ITPRID2: variants seen among roughly 807,000 people sequenced by gnomAD.
ITPRID2 encodes the protein protein ITPRID2.
ITPRID2 carries 60 observed loss-of-function variants against 124.3 expected under a neutral mutation model. The ratio of observed to expected loss-of-function variants is 0.48; its 90% CI spans 0.39 to 0.60. ITPRID2 has a LOEUF of 0.60. ITPRID2 is among the 20% of genes least tolerant of loss of function. ITPRID2 has a pLI of 0.00. For synonymous variants in ITPRID2, 521 were observed against 542.9 expected, an observed-to-expected ratio of 0.96 and a Z score of 0.56; for missense variants, 1,553 against 1,512.2, an observed-to-expected ratio of 1.03 and a Z score of -0.45.
At chr2:181,900,599 A>G (rs1692582581) in intron 6 of ITPRID2, 97 bp from the exon 7 acceptor site, 1 of 866,850 alleles carries the variant, frequency 1.2e-6, no homozygotes, top group African/African-American at 1.7e-5. Flanking sequence ...AGATTTTATC[A>G]CAGGAAATCA....
At position 181,900,838 on chromosome 2, in the gene ITPRID2, A is replaced by G. The variant is rs1448727260; in HGVS notation, c.646A>G (p.Ile216Val). The G allele has an allele frequency of 6.2e-7, 1 of 1,613,254 alleles. No individual in the cohort carries two copies. Among genetic ancestry groups the G allele is most frequent in the African/African-American group, 1.3e-5 (1 of 75,010 alleles). Residue 216 changes from isoleucine to valine, a missense_variant, in exon 7 of 18, where the codon ATT (isoleucine) becomes GTT (valine). Transcript: ENST00000431877. ...ATCATCCTTTGCCAAAGGGATAGAT[A>G]TTAAAGTATTTTTGAGTGCTCAGAT... ...NSSSFAKGID[I>V]KVFLSAQMQR...
rs1462203309 is a variant in ITPRID2 at position 181,920,623 on chromosome 2, T to C, written c.3171T>C (p.Asp1057=). ...GAATGTGTGGCAGTAGAAGCGCTGATAACTTGTCATGCCCTTCTCCATTGA... is the reference window on the plus strand; with the variant it reads ...GAATGTGTGGCAGTAGAAGCGCTGACAACTTGTCATGCCCTTCTCCATTGA... ...LMGMCGSRSA[D]NLSCPSPLNV... is the part of the protein sequence containing the mutation. Residue 1057 remains aspartate, a synonymous_variant, in exon 15 of 18, where the codon GAT becomes GAC. Coordinates refer to ENST00000431877, the MANE Select transcript of ITPRID2 (RefSeq NM_001130445.3). 4 of 1,613,588 alleles carry C rather than the reference T, an allele frequency of 2.5e-6. No homozygotes were observed. Among genetic ancestry groups the C allele is most frequent in the East Asian group, 4.5e-5 (2 of 44,822 alleles).
At chr2:181,897,041 G>T (rs1692259592) in intron 4 of ITPRID2, 77 bp downstream of exon 4, 3 of 1,242,814 alleles carry the variant, frequency 2.4e-6, no homozygotes, top group African/African-American at 3.0e-5. Flanking sequence ...ATGGTTTCAG[G>T]TTTATGATCC....
In ITPRID2 at chr2:181,919,314, C is replaced by G; in HGVS notation, c.3012C>G (p.Leu1004=). 6.2e-7 allele frequency: 1 copy of G among 1,614,126 alleles called. No individual in the cohort carries two copies. The highest frequency in any genetic ancestry group is 2.2e-5 in the East Asian group (1 of 44,884). ...TEEERFEVDQ[L]QGLRNSVRME... The stretch of plus-strand genomic sequence containing the variant: ...CCAATAGGTTTGAAGTTGATCAGCT[C>G]CAGGGTTTGAGAAATTCAGTCCGAA... Residue 1004 remains leucine, a synonymous_variant, in exon 14 of 18, where the codon CTC becomes CTG. Transcript: ENST00000431877. This position sits in a 1 kb window ranked among gnomAD's most constrained non-coding sequence, Gnocchi z 4.2.
Position 181,900,924 on chromosome 2 carries a change from G to T in ITPRID2, c.712+20G>T. 1.3e-6 allele frequency: 2 copies of T among 1,558,846 alleles called. No homozygotes were observed. Among genetic ancestry groups the T allele is most frequent in the South Asian group, 2.4e-5 (2 of 83,622 alleles). ...TAACAAGTAAGATTTTTAAGTGTTA[G>T]GCATATTATTTTCTTAAATTATAGC... On this transcript the variant is annotated intron_variant, in intron 7 of 17. Coordinates refer to ENST00000431877, the MANE Select transcript of ITPRID2 (RefSeq NM_001130445.3).
rs1362044999 is a variant in ITPRID2 at position 181,919,082 on chromosome 2, A to C, written c.2993+200A>C. Among the ~76,000 whole-genome samples the C allele has an allele frequency of 6.6e-6, 1 of 152,206 alleles. No homozygotes were observed. Among genetic ancestry groups the C allele is most frequent in the Non-Finnish European group, 1.5e-5 (1 of 68,034 alleles). ...CCTTCAATATCCTAAGGGTAGTGGT[A>C]ACCTGCTTTCCCGTGTTTGAGATAT... On this transcript the variant is annotated intron_variant, in intron 13 of 17. Transcript: ENST00000431877. The surrounding 1 kb of genome is among the most constrained non-coding windows in gnomAD (Gnocchi z 4.2).
Position 181,892,090 on chromosome 2 carries a change from G to C in ITPRID2, c.24G>C (p.Ser8=). Residue 8 remains serine, a synonymous_variant, in exon 1 of 18, where the codon TCG becomes TCC. Coordinates refer to ENST00000431877, the MANE Select transcript of ITPRID2 (RefSeq NM_001130445.3). The surrounding 1 kb of genome is among the most constrained non-coding windows in gnomAD (Gnocchi z 5.2). ...CCATGGACCGGCCCCTGTCGTCGTCGGCGGAGGCGGAGGAGGAACTGGAGT... is the reference window on the plus strand; with the variant it reads ...CCATGGACCGGCCCCTGTCGTCGTCCGCGGAGGCGGAGGAGGAACTGGAGT... MDRPLSS[S]AEAEEELEWQ... is the part of the protein sequence containing the mutation. The C allele has an allele frequency of 1.9e-6, 3 of 1,555,056 alleles. No homozygotes were observed. Among genetic ancestry groups the C allele is most frequent in the Non-Finnish European group, 2.6e-6 (3 of 1,150,376 alleles).
Position 181,915,278 on chromosome 2 carries a change from T to TA in ITPRID2, c.1639dup (p.Thr547AsnfsTer5). On this transcript the variant is annotated frameshift_variant, in exon 11 of 18. Coordinates refer to ENST00000431877, the MANE Select transcript of ITPRID2 (RefSeq NM_001130445.3). LOFTEE classifies it high-confidence loss of function. ...ATAGTTGTGACAGTGAGACAACAGT[T>TA]ACGTCACTTGGTGAAGACCTTGCCA... The TA allele has an allele frequency of 1.2e-6, 2 of 1,614,192 alleles. No individual in the cohort carries two copies. Among genetic ancestry groups the TA allele is most frequent in the Non-Finnish European group, 1.7e-6 (2 of 1,180,014 alleles).
rs376996974 is a variant in ITPRID2, at chr2:181,915,224, G to T, written c.1584G>T (p.Glu528Asp). 28 of 1,613,218 alleles carry T rather than the reference G, an allele frequency of 1.7e-5. No individual in the cohort carries two copies. In the South Asian group the frequency reaches 3.1e-4, roughly 18 times the overall value. ...CTATTTTCTTTTCACAGGTTCAGGA[G>T]TCCTTGCAGGCTATGGGGAGTAGTG... ...CLSLNHLQVQESLQAMGSSAD... is the reference protein window; with the variant it reads ...CLSLNHLQVQDSLQAMGSSAD... The change falls in exon 11 of 18, where the codon GAG (glutamate) becomes GAT (aspartate). Residue 528 changes from glutamate (E) to aspartate (D), a missense_variant. Glu to Asp is a conservative substitution (Grantham distance 45). Coordinates refer to ENST00000431877, the MANE Select transcript of ITPRID2 (RefSeq NM_001130445.3).
chr2:181,922,752 G>A (rs996969688), intron 16 of ITPRID2, among the ~76,000 whole-genome samples: 4 of 151,920 alleles, frequency 2.6e-5, no homozygotes, highest in Non-Finnish European at 5.9e-5. Context: ...AGATCTCTTC[G>A]AGGATTAAAA....
chr2:181,929,779 G>C lies in ITPRID2; in HGVS notation c.*232G>C. ...AAACTATCAAAAACTCTAGCAGTTT[G>C]AAAAGCCTAATATTTATTTGTATGT... is the stretch of plus-strand genomic sequence containing the variant. On this transcript the variant is annotated 3_prime_UTR_variant, in exon 18 of 18. Coordinates refer to ENST00000431877, the MANE Select transcript of ITPRID2 (RefSeq NM_001130445.3). The C allele has an allele frequency of 1.9e-6, 1 of 535,476 alleles. No homozygotes were observed. The highest frequency in any genetic ancestry group is 4.8e-5 in the South Asian group (1 of 20,704). 33.2% of individuals were successfully genotyped at this position (535,476 alleles called of 1,614,324 possible). A position where few individuals can be genotyped will look rare whatever the true frequency, so the allele number is the denominator to read the frequency against.
intron 4 of ITPRID2, among the ~76,000 whole-genome samples, chr2:181,897,337 T>C (rs1692284392): frequency 6.6e-6 from 1 of 152,016 alleles, no homozygotes; most frequent in Admixed American, 6.6e-5. Context: ...TAGACTTATG[T>C]CATACTTACA....
Position 181,930,055 on chromosome 2 carries a change from C to G in ITPRID2, c.*508C>G, listed in dbSNP as rs1695169964. ...TGTTCTGTTGTAAAAAATATAATTGCTCTTAATTCTTGGGGAGGTTACTAA... is the reference window on the plus strand; with the variant it reads ...TGTTCTGTTGTAAAAAATATAATTGGTCTTAATTCTTGGGGAGGTTACTAA... On this transcript the variant is annotated 3_prime_UTR_variant, in exon 18 of 18. Coordinates refer to ENST00000431877, the MANE Select transcript of ITPRID2 (RefSeq NM_001130445.3). 1 of 153,430 alleles carries G rather than the reference C, an allele frequency of 6.5e-6. No individual in the cohort carries two copies. The highest frequency in any genetic ancestry group is 6.5e-5 in the Admixed American group (1 of 15,316). The allele number at this position is 153,430 out of a possible 1,614,324, so 9.5% of individuals were successfully genotyped here.
intron 11 of ITPRID2, chr2:181,918,248 A>G: frequency 1.0e-6 from 1 of 990,954 alleles, no homozygotes; most frequent in Non-Finnish European, 1.2e-6. Flanking sequence ...CAGCAAAGTT[A>G]ATAATCACTA....
rs1693219500 is a variant in ITPRID2 at position 181,907,379 on chromosome 2, A to G, written c.1414-2520A>G. Among the ~76,000 whole-genome samples, 1 of 152,096 alleles carries G rather than the reference A, an allele frequency of 6.6e-6. No homozygotes were observed. The highest frequency in any genetic ancestry group is 1.5e-5 in the Non-Finnish European group (1 of 68,004). On this transcript the variant is annotated intron_variant, in intron 8 of 17. Coordinates refer to ENST00000431877, the MANE Select transcript of ITPRID2 (RefSeq NM_001130445.3). This position sits in a 1 kb window ranked among gnomAD's most constrained non-coding sequence, Gnocchi z 5.1. ...GTAACCCAAATGTGTGGGTTATTCT[A>G]AAGCTGTTTTTCATCTTTGAATCCC...
At chr2:181,904,028 A>G (rs1038948466) in intron 8 of ITPRID2, among the ~76,000 whole-genome samples, 2 of 152,172 alleles carry the variant, frequency 1.3e-5, no homozygotes, top group African/African-American at 4.8e-5. Context: ...AGTGAACAAC[A>G]CTCATATTTT....
chr2:181,916,085 T>G lies in ITPRID2; in HGVS notation c.2445T>G (p.Ser815Arg), dbSNP rs777942712. The G allele has an allele frequency of 1.9e-6, 3 of 1,613,958 alleles. No individual in the cohort carries two copies. Among genetic ancestry groups the G allele is most frequent in the Admixed American group, 1.7e-5 (1 of 59,988 alleles). The change falls in exon 11 of 18, where the codon AGT becomes AGG. Residue 815 changes from serine (S) to arginine (R), a missense_variant. By Grantham distance (110) the Ser-to-Arg change is moderately radical. Transcript: ENST00000431877. ...TGAAGAAAGAAGAAGCCCCCCAGAG[T>G]GAGGCGCCGCGGGTGGAGGAATGCC... The part of the protein sequence containing the change: ...SSVKKEEAPQ[S>R]EAPRVEECHH...
At chr2:181,928,878 G>T (rs575604298) in intron 17 of ITPRID2, among the ~76,000 whole-genome samples, 4 of 152,078 alleles carry the variant, frequency 2.6e-5, no homozygotes, top group Admixed American at 6.5e-5. Context: ...CGCCCGCCTC[G>T]GCCTCCCAAA....
chr2:181,914,633 T>C (rs1395620844), intron 10 of ITPRID2, among the ~76,000 whole-genome samples: 2 of 152,230 alleles, frequency 1.3e-5, no homozygotes, highest in African/African-American at 4.8e-5. Flanking sequence ...GAATGTTGAC[T>C]GGTTTTCAAA....
Sources: allele counts gnomAD v4.1 joint callset (sites outside exome capture counted in the v4.1 genomes callset), GRCh38; gene constraint gnomAD v4.1.1; non-coding constraint Gnocchi (gnomAD v3.1); transcripts MANE v1.5; gene names NCBI Gene and HGNC (gene_info 2026-07-23, HGNC 2026-07-21).